MYOM1: variants seen among roughly 807,000 people sequenced by gnomAD.
The protein encoded by MYOM1 is myomesin-1.
Under a neutral mutation model 205.3 loss-of-function variants are expected in MYOM1, and 164 were observed. The observed-to-expected ratio is 0.80, with a 90% CI of 0.70 to 0.91. The LOEUF is 0.91. MYOM1 is among the 40% of genes least tolerant of loss of function. The pLI is 0.00. For synonymous variants in MYOM1, 772 were observed against 789.4 expected (o/e 0.98, Z 0.37); for missense variants, 2,011 against 2,127.3 (o/e 0.95, Z 1.08).
Position 3,066,993 on chromosome 18 carries a change from C to T in MYOM1, c.*269G>A. 2 of 423,736 alleles carry T rather than the reference C, an allele frequency of 4.7e-6. No homozygotes were observed. Among genetic ancestry groups the T allele is most frequent in the South Asian group, 6.0e-5 (2 of 33,564 alleles). 26.2% of individuals were successfully genotyped at this position (423,736 alleles called of 1,614,324 possible). On this transcript the variant is annotated 3_prime_UTR_variant, in exon 38 of 38. Coordinates refer to ENST00000356443, the MANE Select transcript of MYOM1 (RefSeq NM_003803.4). ...TGCCCTCTGACCATCATTCAATGTC[C>T]CTCCAACTTCATTCAAGTCTTCTCC... is the stretch of plus-strand genomic sequence containing the variant.
chr18:3,140,145 G>A (rs917896678), intron 14 of MYOM1, among the ~76,000 whole-genome samples: 4 of 152,160 alleles, frequency 2.6e-5, no homozygotes, highest in Non-Finnish European at 5.9e-5. Flanking sequence ...GGTGGGTCAT[G>A]CCTGTAATCC....
intron 25 of MYOM1, among the ~76,000 whole-genome samples, chr18:3,098,993 G>A (rs1033529572): frequency 1.3e-5 from 2 of 152,076 alleles, no homozygotes; most frequent in Non-Finnish European, 2.9e-5. Context: ...TCGCTCTGTT[G>A]CCCAGGGTGG....
chr18:3,094,165 C>T lies in MYOM1; in HGVS notation c.3864+5G>A, dbSNP rs2079265721. On this transcript the variant is annotated splice_donor_5th_base_variant and intron_variant, in intron 26 of 37. Coordinates refer to ENST00000356443, the MANE Select transcript of MYOM1 (RefSeq NM_003803.4). ...ATTAAAAAGTCTAAACAGTGTAAAA[C>T]CTACCGGGCCTTCAAAAATTTCCTT... is the stretch of plus-strand genomic sequence containing the variant. 2.5e-6 allele frequency: 4 copies of T among 1,613,638 alleles called. No individual in the cohort carries two copies. The highest frequency in any genetic ancestry group is 1.1e-5 in the South Asian group (1 of 91,056).
intron 5 of MYOM1, among the ~76,000 whole-genome samples, chr18:3,181,235 CT>C (rs1396221870): frequency 6.6e-6 from 1 of 152,068 alleles, no homozygotes; most frequent in Non-Finnish European, 1.5e-5. Flanking sequence ...CAAAGATGAT[CT>C]TTAATATACT....
chr18:3,140,275 C>CATG (rs1423060630), intron 14 of MYOM1, among the ~76,000 whole-genome samples: 1 of 151,650 alleles, frequency 6.6e-6, no homozygotes, highest in Non-Finnish European at 1.5e-5. Flanking sequence ...GGCGTGGTGG[C>CATG]TCACGCCTGT....
chr18:3,142,905 G>A (rs1266283237), intron 13 of MYOM1, among the ~76,000 whole-genome samples: 2 of 152,170 alleles, frequency 1.3e-5, no homozygotes, highest in Non-Finnish European at 2.9e-5. Flanking sequence ...TATCAGGCAG[G>A]GAGGGAGGAG....
In MYOM1 at chr18:3,130,204, G is replaced by A. The variant is rs1437099300; in HGVS notation, c.2507-685C>T. On this transcript the variant is annotated intron_variant, in intron 17 of 37. Transcript: ENST00000356443. ...ATTATAGGCATGCACCACCATACCCGGCTAATTTTTGTATTTTCAGTAGAG... is the reference window on the plus strand; with the variant it reads ...ATTATAGGCATGCACCACCATACCCAGCTAATTTTTGTATTTTCAGTAGAG... Among the ~76,000 whole-genome samples the A allele has an allele frequency of 5.9e-5, 9 of 151,892 alleles. No individual in the cohort carries two copies. The South Asian group carries it at 1.7e-3, about 28-fold the overall frequency.
chr18:3,168,366 G>A (rs2080503932), intron 9 of MYOM1, among the ~76,000 whole-genome samples: 1 of 151,950 alleles, frequency 6.6e-6, no homozygotes, highest in Non-Finnish European at 1.5e-5. Flanking sequence ...TCCACTCACT[G>A]CAACCTCTGC....
At chr18:3,192,045 T>C (rs1461056116) in intron 3 of MYOM1, among the ~76,000 whole-genome samples, 2 of 152,136 alleles carry the variant, frequency 1.3e-5, no homozygotes, top group Non-Finnish European at 2.9e-5. Context: ...CTTCTTGAGA[T>C]TGGCCCGGAA....
rs1244907514 is a variant in MYOM1, at chr18:3,151,827, A to G, written c.1710T>C (p.Pro570=). The G allele has an allele frequency of 6.2e-7, 1 of 1,613,716 alleles. No homozygotes were observed. The highest frequency in any genetic ancestry group is 8.5e-7 in the Non-Finnish European group (1 of 1,179,752). The change falls in exon 12 of 38, where the codon CCT becomes CCC. Residue 570 remains proline (P), a synonymous_variant. Transcript: ENST00000356443. ...NDTPVKFARF[P]VTGLIEGRSY... ...AACGACCTTCGATCAATCCAGTGAC[A>G]GGAAAACGAGCAAACTTCACAGGTG...
intron 5 of MYOM1, among the ~76,000 whole-genome samples, chr18:3,180,129 C>T (rs1374062858): frequency 1.3e-5 from 2 of 152,168 alleles, no homozygotes; most frequent in African/African-American, 4.8e-5. Flanking sequence ...GACTCCATGA[C>T]TGTAAAAAAT....
At chr18:3,095,429 C>T (rs1281409748) in intron 25 of MYOM1, among the ~76,000 whole-genome samples, 3 of 151,972 alleles carry the variant, frequency 2.0e-5, no homozygotes, top group African/African-American at 7.2e-5. Flanking sequence ...ATTAGCCAGG[C>T]GTGGTGGTGG....
At chr18:3,157,490 C>A (rs1400505400) in intron 10 of MYOM1, among the ~76,000 whole-genome samples, 1 of 151,750 alleles carries the variant, frequency 6.6e-6, no homozygotes, top group Non-Finnish European at 1.5e-5. Context: ...GCAGCCTGGG[C>A]AACATGGTGA....
Position 3,116,427 on chromosome 18 carries a change from C to T in MYOM1, c.3207G>A (p.Pro1069=), listed in dbSNP as rs367633441. ...TCAAGTCCACGAAGTAACCAGTGACCGGAGTCCGCCCGGAGTGGACTGGCG... is the reference window on the plus strand; with the variant it reads ...TCAAGTCCACGAAGTAACCAGTGACTGGAGTCCGCCCGGAGTGGACTGGCG... The part of the protein sequence containing the change: ...WKPPVHSGRT[P]VTGYFVDLKE... The change falls in exon 21 of 38, where the codon CCG becomes CCA. Residue 1069 remains proline (P), a synonymous_variant. Coordinates refer to ENST00000356443, the MANE Select transcript of MYOM1 (RefSeq NM_003803.4). 1.3e-4 allele frequency: 214 copies of T among 1,613,588 alleles called. 2 individuals are homozygous for T. The African/African-American group carries it at 2.3e-3, about 17-fold the overall frequency.
At chr18:3,247,103 C>T in the MYOM1 span, 1 of 152,168 alleles carries the variant, frequency 6.6e-6, no homozygotes, top group Non-Finnish European at 1.5e-5. Context: ...GTCAAAGGGG[C>T]TCTGCCAGGG....
intron 20 of MYOM1, among the ~76,000 whole-genome samples, chr18:3,118,361 A>T (rs76576237): frequency 7.3e-6 from 1 of 137,860 alleles, no homozygotes; most frequent in African/African-American, 2.7e-5. Flanking sequence ...ACTTTTTTTT[A>T]AAGACAGACA....
chr18:3,131,515 T>C lies in MYOM1; in HGVS notation c.2385-19A>G, dbSNP rs1361865610. ...AGTGAATCTAAAAGGAAAACAAGTT[T>C]TAAAAAATTTTCCTAGGAGGAAGAT... On this transcript the variant is annotated intron_variant, in intron 16 of 37. Transcript: ENST00000356443. 2 of 1,606,092 alleles carry C rather than the reference T, an allele frequency of 1.2e-6. No homozygotes were observed. Among genetic ancestry groups the C allele is most frequent in the East Asian group, 4.5e-5 (2 of 44,770 alleles).
At chr18:3,089,113 C>A in intron 29 of MYOM1, 61 bp downstream of exon 29, 2 of 1,285,444 alleles carry the variant, frequency 1.6e-6, no homozygotes, top group East Asian at 2.4e-5. Flanking sequence ...TGAGCTTCCT[C>A]TTCTCTACAT....
chr18:3,075,699 G>A, intron 35 of MYOM1, 26 bp downstream of exon 35: 1 of 1,600,698 alleles, frequency 6.2e-7, no homozygotes, highest in Non-Finnish European at 8.5e-7. Flanking sequence ...GCATGCAAGT[G>A]GCATTTGCTA....
Sources: allele counts gnomAD v4.1 joint callset (sites outside exome capture counted in the v4.1 genomes callset), GRCh38; gene constraint gnomAD v4.1.1; transcripts MANE v1.5; gene names NCBI Gene and HGNC (gene_info 2026-07-23, HGNC 2026-07-21).